ADAMTSL1: variants seen among roughly 807,000 people sequenced by gnomAD.
ADAMTSL1 encodes ADAMTS-like protein 1.
A neutral mutation model predicts 201.8 loss-of-function variants in ADAMTSL1; 126 were observed. The observed-to-expected ratio is 0.62, with a 90% CI of 0.54 to 0.72. The LOEUF (loss-of-function observed/expected upper bound fraction) is 0.72, where lower values mean the gene tolerates loss of function less well. ADAMTSL1 is among the 30% of genes least tolerant of loss of function. The pLI is 0.00. For missense variants in ADAMTSL1, 2,679 were observed against 2,277.8 expected, an observed-to-expected ratio of 1.18 and a Z score of -3.59; for synonymous variants, 1,121 against 903.4, an observed-to-expected ratio of 1.24 and a Z score of -4.32.
intron 2 of ADAMTSL1, among the ~76,000 whole-genome samples, chr9:18,303,897 A>G (rs1056358197): frequency 6.6e-5 from 10 of 151,966 alleles, no homozygotes; most frequent in Admixed American, 6.6e-4. Context: ...CCTTTCATCC[A>G]ACAGCCTTTC....
chr9:18,478,693 C>G (rs1235633217), intron 1 of ADAMTSL1, among the ~76,000 whole-genome samples: 1 of 152,106 alleles, frequency 6.6e-6, no homozygotes, highest in Non-Finnish European at 1.5e-5. Flanking sequence ...AGTAGAGTGA[C>G]CCAGAAGTGA....
chr9:18,830,623 G>T (rs955866014), intron 23 of ADAMTSL1, among the ~76,000 whole-genome samples: 1 of 152,090 alleles, frequency 6.6e-6, no homozygotes, highest in Admixed American at 6.6e-5. Flanking sequence ...TTCAAGTCCT[G>T]GGCCCCCACA....
At position 17,944,440 on chromosome 9, in the gene ADAMTSL1, TC is replaced by T. The variant is rs201865181; in HGVS notation, c.87+37519del. ...ATCCCCATCAAGCTACCAAGGACTTTCTTCACAGAATTGGGAAAAACTACTT... is the reference window on the plus strand; with the variant it reads ...ATCCCCATCAAGCTACCAAGGACTTTTTCACAGAATTGGGAAAAACTACTT... On this transcript the variant is annotated intron_variant, in intron 1 of 29. Transcript: ENST00000680146. Among the ~76,000 whole-genome samples the T allele has an allele frequency of 4.4e-3, 665 of 152,296 alleles. 5 individuals carry two copies. Among genetic ancestry groups the T allele is most frequent in the African/African-American group, 0.015 (631 of 41,558 alleles).
rs748508691 is a variant in ADAMTSL1 at position 18,892,442 on chromosome 9, A to G, written c.4697A>G (p.Gln1566Arg). Residue 1566 changes from glutamine to arginine, a missense_variant, in exon 26 of 29, where the codon CAG (glutamine) becomes CGG (arginine). Coordinates refer to ENST00000380548, the MANE Select transcript of ADAMTSL1 (RefSeq NM_001040272.6). The part of the protein sequence containing the change: ...ACTRSCGGGV[Q>R]TRRVTCQKLK... ...ACCCGGAGCTGTGGGGGAGGTGTCC[A>G]GACCCGCAGGGTGACCTGTCAAAAG... 3 of 1,613,658 alleles carry G rather than the reference A, an allele frequency of 1.9e-6. No homozygotes were observed. Among genetic ancestry groups the G allele is most frequent in the Admixed American group, 1.7e-5 (1 of 59,998 alleles).
intron 1 of ADAMTSL1, among the ~76,000 whole-genome samples, chr9:18,132,007 T>C (rs1587124360): frequency 6.6e-6 from 1 of 152,172 alleles, no homozygotes; most frequent in East Asian, 1.9e-4. Context: ...AATTCCTGAA[T>C]TTATAGAATC....
intron 1 of ADAMTSL1, among the ~76,000 whole-genome samples, chr9:18,123,693 C>T (rs536518221): frequency 3.3e-5 from 5 of 152,272 alleles, no homozygotes; most frequent in Middle Eastern, 3.4e-3. Context: ...GTTGTACAGA[C>T]GTCGACACTG....
intron 2 of ADAMTSL1, among the ~76,000 whole-genome samples, chr9:18,336,958 A>C (rs1835265724): frequency 6.6e-6 from 1 of 152,106 alleles, no homozygotes; most frequent in African/African-American, 2.4e-5. Flanking sequence ...ATTTTTATTA[A>C]GTTGTCTTTT....
At chr9:18,408,602 T>C (rs1368916011) in intron 2 of ADAMTSL1, among the ~76,000 whole-genome samples, 1 of 152,236 alleles carries the variant, frequency 6.6e-6, no homozygotes, top group Non-Finnish European at 1.5e-5. Flanking sequence ...TGCAGTCTAA[T>C]GGATGAGGCA....
intron 2 of ADAMTSL1, among the ~76,000 whole-genome samples, chr9:18,450,860 A>G (rs961471956): frequency 1.3e-5 from 2 of 152,222 alleles, no homozygotes; most frequent in African/African-American, 4.8e-5. Flanking sequence ...CATTACATAG[A>G]GTAAAATATC....
intron 2 of ADAMTSL1, among the ~76,000 whole-genome samples, chr9:18,403,567 C>G (rs1261211286): frequency 6.6e-6 from 1 of 152,134 alleles, no homozygotes; most frequent in Non-Finnish European, 1.5e-5. Flanking sequence ...AATACAGAGC[C>G]TAACACATGG....
chr9:18,295,445 C>T lies in ADAMTSL1; in HGVS notation c.207+131464C>T, dbSNP rs563702109. On this transcript the variant is annotated intron_variant, in intron 2 of 29. Transcript: ENST00000680146. Reference sequence around the variant, plus strand: ...CCTCAGCCTCCTGGGTTCAAGCAATCCTTCTGCTTCAGCCTCCTGAGTAGC... The same window carrying T: ...CCTCAGCCTCCTGGGTTCAAGCAATTCTTCTGCTTCAGCCTCCTGAGTAGC... 1.3e-4 allele frequency among the ~76,000 whole-genome samples: 19 copies of T among 151,994 alleles called. No individual in the cohort carries two copies. The East Asian group carries it at 3.7e-3, about 30-fold the overall frequency.
chr9:17,970,483 C>G (rs1291741957), intron 1 of ADAMTSL1, among the ~76,000 whole-genome samples: 1 of 152,014 alleles, frequency 6.6e-6, no homozygotes, highest in Non-Finnish European at 1.5e-5. Context: ...TAGCCTGAGC[C>G]ACTTGGACAG....
intron 2 of ADAMTSL1, among the ~76,000 whole-genome samples, chr9:18,397,364 T>C (rs1026550644): frequency 6.6e-6 from 1 of 152,138 alleles, no homozygotes; most frequent in Non-Finnish European, 1.5e-5. Context: ...ACTGTATTTC[T>C]TGAGTCTATG....
At chr9:18,904,625 C>A (rs1465865606) in intron 26 of ADAMTSL1, among the ~76,000 whole-genome samples, 1 of 68,638 alleles carries the variant, frequency 1.5e-5, no homozygotes, top group Non-Finnish European at 2.7e-5. Flanking sequence ...CAGAAAGAGA[C>A]CCTGCCTCAA....
chr9:18,716,035 T>G (rs1587968041), intron 14 of ADAMTSL1, among the ~76,000 whole-genome samples: 2 of 150,284 alleles, frequency 1.3e-5, no homozygotes, highest in East Asian at 3.9e-4. Context: ...GCTAGCCATA[T>G]GTAGAAAGCT....
chr9:18,464,159 T>A (rs1376500504), intron 2 of ADAMTSL1, among the ~76,000 whole-genome samples: 1 of 152,204 alleles, frequency 6.6e-6, no homozygotes, highest in Non-Finnish European at 1.5e-5. Flanking sequence ...ATGTAGTGTA[T>A]AATAAGCATG....
chr9:18,080,032 C>T (rs530869519), intron 1 of ADAMTSL1, among the ~76,000 whole-genome samples: 1 of 152,288 alleles, frequency 6.6e-6, no homozygotes, highest in South Asian at 2.1e-4. Flanking sequence ...AGATTGTGTA[C>T]TGATGATGAC....
At chr9:18,571,305 C>G (rs2132341590) in intron 3 of ADAMTSL1, among the ~76,000 whole-genome samples, 1 of 152,170 alleles carries the variant, frequency 6.6e-6, no homozygotes, top group South Asian at 2.1e-4. Flanking sequence ...GGCGATTCAG[C>G]CTGACCCTTC....
intron 3 of ADAMTSL1, among the ~76,000 whole-genome samples, chr9:18,548,729 A>G (rs929269680): frequency 1.3e-5 from 2 of 152,084 alleles, no homozygotes; most frequent in Admixed American, 1.3e-4. Context: ...TGTTGAAAAG[A>G]AACACATTAA....
Sources: allele counts gnomAD v4.1 joint callset (sites outside exome capture counted in the v4.1 genomes callset), GRCh38; gene constraint gnomAD v4.1.1; transcripts MANE v1.5; gene names NCBI Gene and HGNC (gene_info 2026-07-23, HGNC 2026-07-21).